Variants in ITPR2 observed in about 807,000 individuals in gnomAD.
The protein encoded by ITPR2 is inositol 1,4,5-trisphosphate receptor type 2, also known as inositol 1,4,5-trisphosphate-gated calcium channel ITPR2.
In ITPR2, 207 loss-of-function variants were observed where a neutral mutation model predicts 317.1. The observed-to-expected ratio is 0.65, with a 90% CI of 0.58 to 0.73. The LOEUF is 0.73. Among genes scored for constraint, ITPR2 ranks in the 30% least tolerant of loss-of-function variants. The probability of loss-of-function intolerance (pLI) is 0.00; values close to 1 mark genes in which losing one functional copy is unlikely to be tolerated. For synonymous variants in ITPR2, 1,156 were observed against 1,149.1 expected (o/e 1.01, Z -0.12); for missense variants, 2,613 against 3,284.0 (o/e 0.80, Z 4.99).
At chr12:26,497,155 C>CT (rs573079284) in intron 37 of ITPR2, among the ~76,000 whole-genome samples, 6,690 of 134,386 alleles carry the variant, frequency 0.05, 446 homozygotes, top group African/African-American at 0.14. Context: ...ATTTCTCTCT[C>CT]TTTTTTTTTT....
intron 49 of ITPR2, among the ~76,000 whole-genome samples, chr12:26,421,989 A>C (rs1186735019): frequency 6.9e-6 from 1 of 145,904 alleles, no homozygotes; most frequent in Non-Finnish European, 1.5e-5. Context: ...AGGTCTTCTA[A>C]AAAAAAAAGC....
chr12:26,407,204 G>A (rs1307407127), intron 52 of ITPR2, among the ~76,000 whole-genome samples: 1 of 152,186 alleles, frequency 6.6e-6, no homozygotes, highest in Non-Finnish European at 1.5e-5. Context: ...GAGAAATGAT[G>A]TTCTTTGTGT....
chr12:26,479,277 TA>T (rs1377927789), intron 43 of ITPR2, among the ~76,000 whole-genome samples: 1 of 151,728 alleles, frequency 6.6e-6, no homozygotes, highest in African/African-American at 2.4e-5. Context: ...AAATAATATA[TA>T]TTTTTTAAAA....
intron 1 of ITPR2, among the ~76,000 whole-genome samples, chr12:26,824,790 T>G (rs1247168377): frequency 6.6e-6 from 1 of 152,238 alleles, no homozygotes; most frequent in Non-Finnish European, 1.5e-5. Context: ...CTATTTTCCA[T>G]ATATATTGTT....
chr12:26,817,411 C>T (rs777863186), intron 1 of ITPR2, among the ~76,000 whole-genome samples: 3 of 152,154 alleles, frequency 2.0e-5, no homozygotes, highest in Non-Finnish European at 4.4e-5. Flanking sequence ...TTAATTCATA[C>T]ATCTTTTCTA....
At chr12:26,432,147 T>C (rs1429384722) in intron 48 of ITPR2, among the ~76,000 whole-genome samples, 3 of 152,326 alleles carry the variant, frequency 2.0e-5, no homozygotes, top group East Asian at 1.9e-4. Context: ...ACTTTTACCA[T>C]CTATCTAGTC....
chr12:26,757,304 C>T (rs919783059), intron 2 of ITPR2, among the ~76,000 whole-genome samples: 11 of 151,892 alleles, frequency 7.2e-5, no homozygotes, highest in African/African-American at 2.2e-4. Flanking sequence ...CAACCTCCGC[C>T]TCCTGGGTTT....
At chr12:26,696,328 G>A (rs200079018) in intron 9 of ITPR2, among the ~76,000 whole-genome samples, 6 of 152,246 alleles carry the variant, frequency 3.9e-5, no homozygotes, top group East Asian at 1.9e-4. Context: ...TTGATCACTC[G>A]TAAAGCAATA....
At chr12:26,773,646 C>T (rs185735093) in intron 2 of ITPR2, among the ~76,000 whole-genome samples, 2 of 152,342 alleles carry the variant, frequency 1.3e-5, no homozygotes, top group Middle Eastern at 3.4e-3. Flanking sequence ...CTGCCTTAAA[C>T]AGTGGTTCAT....
chr12:26,616,474 T>G (rs1255214469), intron 26 of ITPR2, among the ~76,000 whole-genome samples: 2 of 152,164 alleles, frequency 1.3e-5, no homozygotes, highest in Non-Finnish European at 2.9e-5. Context: ...CAAGTAATTC[T>G]AAGAGAAAGA....
At chr12:26,445,527 C>T (rs1941588937) in intron 45 of ITPR2, among the ~76,000 whole-genome samples, 1 of 147,586 alleles carries the variant, frequency 6.8e-6, no homozygotes, top group Non-Finnish European at 1.5e-5. Flanking sequence ...GGAACAAAAC[C>T]CCACGCAGCC....
intron 35 of ITPR2, among the ~76,000 whole-genome samples, chr12:26,557,912 T>C (rs758364734): frequency 6.6e-6 from 1 of 152,202 alleles, no homozygotes; most frequent in Non-Finnish European, 1.5e-5. Flanking sequence ...CCCATAGCTA[T>C]GGCATATTTT....
rs1014296011 is a variant in ITPR2 at position 26,737,234 on chromosome 12, C to CT, written c.164-11470dup. Among the ~76,000 whole-genome samples the CT allele has an allele frequency of 4.0e-3, 589 of 148,658 alleles. 4 individuals carry two copies. The highest frequency in any genetic ancestry group is 0.012 in the African/African-American group (467 of 40,488). ...TTCCCAAATACTACCTTCTATTTTT[C>CT]TTTTTTTTTTCCTTTTCGTTTCTTT... On this transcript the variant is annotated intron_variant, in intron 2 of 56. Coordinates refer to ENST00000381340, the MANE Select transcript of ITPR2 (RefSeq NM_002223.4).
chr12:26,353,785 A>G (rs1203063911), intron 55 of ITPR2, among the ~76,000 whole-genome samples: 1 of 152,144 alleles, frequency 6.6e-6, no homozygotes, highest in Non-Finnish European at 1.5e-5. Flanking sequence ...TTCACTGTAG[A>G]TGACTTATTA....
intron 54 of ITPR2, among the ~76,000 whole-genome samples, chr12:26,390,680 A>C (rs2136634314): frequency 6.6e-6 from 1 of 152,266 alleles, no homozygotes; most frequent in East Asian, 1.9e-4. Flanking sequence ...TGGATGCACA[A>C]CTCTGAATAT....
Position 26,487,130 on chromosome 12 carries a change from TCTATGG to T in ITPR2, c.5486_5491del (p.Thr1829_Asp1831delinsAsn). On this transcript the variant is annotated inframe_deletion, in exon 40 of 57. Transcript: ENST00000381340. Reference sequence around the variant, plus strand: ...ATCGTCCCTTTTTTTGTTACCTAAATCTATGGTATTAACTGTCACTGTTGATCTTAT... The same window carrying T: ...ATCGTCCCTTTTTTTGTTACCTAAATTATTAACTGTCACTGTTGATCTTAT... 2 of 1,613,284 alleles carry T rather than the reference TCTATGG, an allele frequency of 1.2e-6. No individual in the cohort carries two copies. The highest frequency in any genetic ancestry group is 1.7e-6 in the Non-Finnish European group (2 of 1,179,516).
intron 37 of ITPR2, among the ~76,000 whole-genome samples, chr12:26,500,300 A>G (rs1943040535): frequency 6.6e-6 from 1 of 152,234 alleles, no homozygotes; most frequent in South Asian, 2.1e-4. Flanking sequence ...TAATTGTCTC[A>G]GAGCTATAAT....
intron 54 of ITPR2, among the ~76,000 whole-genome samples, chr12:26,391,299 A>C (rs1172816560): frequency 1.3e-5 from 2 of 152,212 alleles, no homozygotes; most frequent in Non-Finnish European, 2.9e-5. Flanking sequence ...AGAGTCAATT[A>C]GTATTTAAAT....
intron 32 of ITPR2, among the ~76,000 whole-genome samples, chr12:26,580,547 T>C (rs1945379386): frequency 6.6e-6 from 1 of 152,198 alleles, no homozygotes; most frequent in Admixed American, 6.6e-5. Context: ...AGGTGATTAA[T>C]GGTAGTTAGT....
Sources: allele counts gnomAD v4.1 joint callset (sites outside exome capture counted in the v4.1 genomes callset), GRCh38; gene constraint gnomAD v4.1.1; transcripts MANE v1.5; gene names NCBI Gene and HGNC (gene_info 2026-07-23, HGNC 2026-07-21).